The following PTPRM variants were observed in gnomAD, a reference collection of about 807,000 sequenced individuals.
PTPRM encodes the protein receptor-type tyrosine-protein phosphatase mu.
Under a neutral mutation model 186.7 loss-of-function variants are expected in PTPRM, and 47 were observed. The observed-to-expected ratio is 0.25, with a 90% CI of 0.20 to 0.32. The LOEUF is 0.32. PTPRM is among the 10% of genes least tolerant of loss of function. PTPRM has a pLI of 1.00. For synonymous variants in PTPRM, 668 were observed against 674.9 expected, an observed-to-expected ratio of 0.99 and a Z score of 0.16; for missense variants, 1,494 against 1,865.0, an observed-to-expected ratio of 0.80 and a Z score of 3.66.
chr18:8,251,323 G>T (rs2094526374), intron 17 of PTPRM, among the ~76,000 whole-genome samples: 1 of 152,150 alleles, frequency 6.6e-6, no homozygotes, highest in Admixed American at 6.5e-5. Flanking sequence ...AACGAGAGAG[G>T]CACAGAGGGG....
At chr18:8,125,587 G>A (rs1379641006) in intron 13 of PTPRM, among the ~76,000 whole-genome samples, 3 of 151,560 alleles carry the variant, frequency 2.0e-5, no homozygotes, top group South Asian at 2.1e-4. Flanking sequence ...TTCATTTCCC[G>A]TTAATGAGTT....
chr18:7,721,066 A>G (rs904315348), intron 1 of PTPRM, among the ~76,000 whole-genome samples: 15 of 152,008 alleles, frequency 9.9e-5, no homozygotes, highest in African/African-American at 3.4e-4. Flanking sequence ...CACAGAGACT[A>G]TAATATTTTA....
At chr18:8,321,723 A>C (rs1203319713) in intron 22 of PTPRM, among the ~76,000 whole-genome samples, 1 of 152,214 alleles carries the variant, frequency 6.6e-6, no homozygotes, top group African/African-American at 2.4e-5. Context: ...GGCAGTACTA[A>C]CATCACTGCT....
At chr18:7,879,382 A>G (rs562358115) in intron 2 of PTPRM, among the ~76,000 whole-genome samples, 1 of 152,204 alleles carries the variant, frequency 6.6e-6, no homozygotes, top group Non-Finnish European at 1.5e-5. Flanking sequence ...ATCTCTTTTT[A>G]TTCTTTCTGT....
At chr18:7,636,537 T>C (rs1342090485) in intron 1 of PTPRM, among the ~76,000 whole-genome samples, 1 of 152,124 alleles carries the variant, frequency 6.6e-6, no homozygotes, top group Admixed American at 6.5e-5. Flanking sequence ...TGGCCCTCCA[T>C]TGGACAAGTG....
At chr18:7,610,731 A>G (rs2037651806) in intron 1 of PTPRM, among the ~76,000 whole-genome samples, 1 of 152,270 alleles carries the variant, frequency 6.6e-6, no homozygotes, top group Admixed American at 6.5e-5. Context: ...TGTCAGTCAT[A>G]TAAAAGTATT....
At chr18:7,764,154 GT>G (rs1555670823) in intron 1 of PTPRM, among the ~76,000 whole-genome samples, 1 of 152,076 alleles carries the variant, frequency 6.6e-6, no homozygotes, top group Non-Finnish European at 1.5e-5. Context: ...TCTGAGAGGT[GT>G]TTATGACTGA....
chr18:8,405,175 A>G (rs912985350), intron 32 of PTPRM: 1 of 151,864 alleles, frequency 6.6e-6, no homozygotes, highest in Non-Finnish European at 1.5e-5. Context: ...AAGAAAAAAA[A>G]AAAAAAAAGA....
At chr18:7,592,271 C>T (rs2037145801) in intron 1 of PTPRM, among the ~76,000 whole-genome samples, 1 of 152,056 alleles carries the variant, frequency 6.6e-6, no homozygotes, top group Non-Finnish European at 1.5e-5. Context: ...TTACATAATC[C>T]ATGTTTCTAC....
chr18:7,642,865 A>G lies in PTPRM; in HGVS notation c.73+74974A>G, dbSNP rs564023914. Among the ~76,000 whole-genome samples the G allele has an allele frequency of 3.5e-3, 504 of 145,414 alleles. 2 individuals carry two copies. The highest frequency in any genetic ancestry group is 0.012 in the African/African-American group (455 of 36,508). ...CCTTTACTTAAAAAAAAAAAAAAAAAAAGAAGAAGAAAGAAAAAATTTTCA... is the reference window on the plus strand; with the variant it reads ...CCTTTACTTAAAAAAAAAAAAAAAAGAAGAAGAAGAAAGAAAAAATTTTCA... On this transcript the variant is annotated intron_variant, in intron 1 of 32. Coordinates refer to ENST00000580170, the MANE Select transcript of PTPRM (RefSeq NM_001105244.2).
chr18:8,244,249 G>C, intron 15 of PTPRM, 40 bp downstream of exon 15: 4 of 1,466,766 alleles, frequency 2.7e-6, no homozygotes, highest in Non-Finnish European at 3.6e-6. Context: ...ACATCTCCTT[G>C]GTTTTGCAAG....
chr18:7,746,186 C>T (rs936999237), intron 1 of PTPRM, among the ~76,000 whole-genome samples: 1 of 151,948 alleles, frequency 6.6e-6, no homozygotes, highest in African/African-American at 2.4e-5. Flanking sequence ...TATATTTAGG[C>T]ACATCATCAT....
chr18:8,221,428 C>T (rs1168962298), intron 14 of PTPRM, among the ~76,000 whole-genome samples: 2 of 152,128 alleles, frequency 1.3e-5, no homozygotes, highest in African/African-American at 2.4e-5. Context: ...AAATGTTAGA[C>T]AAATTAAATT....
In PTPRM at chr18:8,031,395, T is replaced by C. The variant is rs1182412885; in HGVS notation, c.1133-38291T>C. 3.9e-5 allele frequency among the ~76,000 whole-genome samples: 6 copies of C among 152,188 alleles called. No homozygotes were observed. In the South Asian group the frequency reaches 6.2e-4, roughly 16 times the overall value. On this transcript the variant is annotated intron_variant, in intron 7 of 32. Transcript: ENST00000580170. ...GGTGTCAAGTTTGATAGGGACATCA[T>C]GCGTTTGATATTTGGAGGCCAGAGG...
chr18:7,634,297 C>G (rs545904808), intron 1 of PTPRM, among the ~76,000 whole-genome samples: 13 of 152,140 alleles, frequency 8.5e-5, no homozygotes, highest in South Asian at 8.3e-4. Context: ...ACTGTTGCCT[C>G]TCTTCAATTT....
intron 14 of PTPRM, among the ~76,000 whole-genome samples, chr18:8,214,370 A>G (rs1162304238): frequency 1.3e-5 from 2 of 152,190 alleles, no homozygotes; most frequent in Non-Finnish European, 2.9e-5. Flanking sequence ...ACATAGTGAC[A>G]ATATTAGGTA....
At chr18:7,822,916 G>A (rs1231429861) in intron 2 of PTPRM, among the ~76,000 whole-genome samples, 1 of 152,006 alleles carries the variant, frequency 6.6e-6, no homozygotes, top group Non-Finnish European at 1.5e-5. Flanking sequence ...TTGCTCTCCG[G>A]GGAACATTTG....
At chr18:7,793,698 A>C (rs2043457413) in intron 2 of PTPRM, among the ~76,000 whole-genome samples, 1 of 152,140 alleles carries the variant, frequency 6.6e-6, no homozygotes, top group Non-Finnish European at 1.5e-5. Flanking sequence ...GGGTGTGGTC[A>C]CTGGAGAGAG....
intron 22 of PTPRM, among the ~76,000 whole-genome samples, chr18:8,323,115 C>G (rs1392732031): frequency 6.6e-6 from 1 of 152,178 alleles, no homozygotes; most frequent in Non-Finnish European, 1.5e-5. Context: ...AGGCATGAGT[C>G]ATTGCACTCG....
Sources: gnomAD v4.1 joint callset for allele counts (sites outside exome capture counted in the v4.1 genomes callset) on GRCh38, gnomAD v4.1.1 for gene constraint, MANE v1.5 for transcripts, NCBI Gene and HGNC (gene_info 2026-07-23, HGNC 2026-07-21) for gene names.